CLCN3: variants seen among roughly 807,000 people sequenced by gnomAD.
The protein encoded by CLCN3 is Cl-/H+ antiporter 3.
In CLCN3, 16 loss-of-function variants were observed where a neutral mutation model predicts 83.4. The ratio of observed to expected loss-of-function variants is 0.19; its 90% CI spans 0.13 to 0.29. The LOEUF (loss-of-function observed/expected upper bound fraction) is 0.29, where lower values mean the gene tolerates loss of function less well. CLCN3 is among the 10% of genes least tolerant of loss of function. CLCN3 has a pLI of 1.00. For missense variants in CLCN3, 544 were observed against 1,006.0 expected, an observed-to-expected ratio of 0.54 and a Z score of 6.21; for synonymous variants, 322 against 346.2, an observed-to-expected ratio of 0.93 and a Z score of 0.78.
chr4:169,648,920 G>A (rs191473886), intron 2 of CLCN3, among the ~76,000 whole-genome samples: 16 of 151,994 alleles, frequency 1.1e-4, no homozygotes, highest in Middle Eastern at 6.8e-3. Flanking sequence ...CCAGCTACTC[G>A]GGAGACTGAG....
In CLCN3 at chr4:169,679,921, G is replaced by A. The variant is rs1731868308; in HGVS notation, c.161-129G>A. 7 of 689,844 alleles carry A rather than the reference G, an allele frequency of 1.0e-5. No individual in the cohort carries two copies. The Admixed American group carries it at 1.3e-4, about 13-fold the overall frequency. The allele number at this position is 689,844 out of a possible 1,614,324, so 42.7% of individuals were successfully genotyped here. On this transcript the variant is annotated intron_variant, in intron 2 of 12. Coordinates refer to ENST00000513761, the MANE Select transcript of CLCN3 (RefSeq NM_001829.4). ...GGGAGAGGGGGAGACCGTGGAAAGCGGGAGGTGGAGACGAGGGAGAGGGAG... is the reference window on the plus strand; with the variant it reads ...GGGAGAGGGGGAGACCGTGGAAAGCAGGAGGTGGAGACGAGGGAGAGGGAG...
intron 2 of CLCN3, among the ~76,000 whole-genome samples, chr4:169,674,611 G>A (rs1731606369): frequency 6.6e-6 from 1 of 152,040 alleles, no homozygotes; most frequent in South Asian, 2.1e-4. Context: ...AATGAAAGTG[G>A]GCATTGATGC....
intron 3 of CLCN3, among the ~76,000 whole-genome samples, chr4:169,682,291 A>G (rs78525012): frequency 0.02 from 3,064 of 152,322 alleles, 45 homozygotes; most frequent in Non-Finnish European, 0.031. Context: ...GACTCTAAGT[A>G]TTGGGAACCT....
At chr4:169,663,747 A>G (rs981158370) in intron 2 of CLCN3, 5 of 281,330 alleles carry the variant, frequency 1.8e-5, no homozygotes, top group African/African-American at 1.2e-4. Context: ...TGAGGTAAGG[A>G]ATTGTTAAGG....
At chr4:169,695,230 A>G (rs1171799761) in intron 7 of CLCN3, among the ~76,000 whole-genome samples, 1 of 152,186 alleles carries the variant, frequency 6.6e-6, no homozygotes, top group Non-Finnish European at 1.5e-5. Flanking sequence ...AGTTAGCTCT[A>G]AAATTTGAAG....
At chr4:169,702,832 C>T in intron 9 of CLCN3, 1 of 278,924 alleles carries the variant, frequency 3.6e-6, no homozygotes, top group Non-Finnish European at 7.3e-6. Context: ...CCTGTAGTCC[C>T]AGCTACTCAC....
chr4:169,699,654 C>T (rs1267505830), intron 9 of CLCN3, among the ~76,000 whole-genome samples: 4 of 152,154 alleles, frequency 2.6e-5, no homozygotes, highest in East Asian at 3.9e-4. Flanking sequence ...GAGGCCGAGG[C>T]GGGCAGATCA....
At chr4:169,702,090 T>C (rs184096984) in intron 9 of CLCN3, among the ~76,000 whole-genome samples, 67 of 152,316 alleles carry the variant, frequency 4.4e-4, no homozygotes, top group African/African-American at 1.5e-3. Flanking sequence ...AAGCTGCCGA[T>C]CGCTAGTTTC....
At chr4:169,683,358 A>C (rs182437469) in intron 3 of CLCN3, among the ~76,000 whole-genome samples, 111 of 152,258 alleles carry the variant, frequency 7.3e-4, no homozygotes, top group African/African-American at 2.5e-3. Context: ...AGCTGGGTAT[A>C]GTGTCTTGCG....
intron 2 of CLCN3, among the ~76,000 whole-genome samples, chr4:169,655,395 C>T (rs552798128): frequency 6.6e-6 from 1 of 152,170 alleles, no homozygotes; most frequent in African/African-American, 2.4e-5. Context: ...TATGTTCATG[C>T]CTGAATATTT....
chr4:169,621,167 CTACATAATGTTGAAAGG>C (rs1262979950), intron 1 of CLCN3, 104 bp downstream of exon 1: 3 of 362,600 alleles, frequency 8.3e-6, no homozygotes, highest in African/African-American at 6.3e-5. Context: ...TACAATGTAC[CTACATAATGTTGAAAGG>C]TACATCGTGA....
At chr4:169,692,540 AG>A (rs1430242393) in intron 7 of CLCN3, among the ~76,000 whole-genome samples, 2 of 152,194 alleles carry the variant, frequency 1.3e-5, no homozygotes, top group Non-Finnish European at 1.5e-5. Flanking sequence ...TTAGATAGAC[AG>A]CTGGTGTCCA....
At chr4:169,675,899 T>G (rs1731657109) in intron 2 of CLCN3, among the ~76,000 whole-genome samples, 2 of 152,198 alleles carry the variant, frequency 1.3e-5, no homozygotes, top group South Asian at 4.1e-4. Flanking sequence ...GATGATTGGA[T>G]TCGTTAGAAT....
chr4:169,652,270 CTCATCTAGGTATGCA>C (rs1730751836), intron 2 of CLCN3, among the ~76,000 whole-genome samples: 1 of 152,032 alleles, frequency 6.6e-6, no homozygotes, highest in African/African-American at 2.4e-5. Context: ...TTGTGGTTTG[CTCATCTAGGTATGCA>C]TCCTTAAGAA....
chr4:169,682,982 G>A (rs774115927), intron 3 of CLCN3, among the ~76,000 whole-genome samples: 9 of 152,170 alleles, frequency 5.9e-5, no homozygotes, highest in Non-Finnish European at 1.2e-4. Context: ...CCAGTAGACC[G>A]TACTTTGAAA....
intron 11 of CLCN3, among the ~76,000 whole-genome samples, chr4:169,712,496 CTG>C (rs1400366525): frequency 3.3e-5 from 5 of 152,252 alleles, no homozygotes; most frequent in Middle Eastern, 6.8e-3. Context: ...CAATATCAGT[CTG>C]TGTGCATTAT....
intron 2 of CLCN3, among the ~76,000 whole-genome samples, chr4:169,674,677 A>T (rs752892757): frequency 2.0e-5 from 3 of 152,014 alleles, no homozygotes; most frequent in African/African-American, 7.3e-5. Flanking sequence ...TATTATTATT[A>T]TTTTTTGGAG....
intron 9 of CLCN3, among the ~76,000 whole-genome samples, chr4:169,698,971 T>C (rs372973715): frequency 3.5e-4 from 54 of 152,176 alleles, no homozygotes; most frequent in African/African-American, 1.2e-3. Context: ...AAATCTCCCT[T>C]CCACATTTGA....
At chr4:169,654,738 T>G (rs1272459953) in intron 2 of CLCN3, among the ~76,000 whole-genome samples, 1 of 152,196 alleles carries the variant, frequency 6.6e-6, no homozygotes, top group Non-Finnish European at 1.5e-5. Context: ...TACAGTGTGT[T>G]GAAATTTTTT....
Sources: gnomAD v4.1 joint callset for allele counts (sites outside exome capture counted in the v4.1 genomes callset) on GRCh38, gnomAD v4.1.1 for gene constraint, MANE v1.5 for transcripts, NCBI Gene and HGNC (gene_info 2026-07-23, HGNC 2026-07-21) for gene names.